FTCDNL1: variants seen among roughly 807,000 people sequenced by gnomAD.
FTCDNL1 encodes the protein formiminotransferase cyclodeaminase N-terminal like, also known as formiminotransferase N-terminal subdomain-containing protein.
A neutral mutation model predicts 5.9 loss-of-function variants in FTCDNL1; 11 were observed. The ratio of observed to expected loss-of-function variants is 1.87; its 90% CI spans 1.18 to 3.10. FTCDNL1 has a LOEUF of 3.10. FTCDNL1 is among the 30% of genes most tolerant of loss of function. FTCDNL1 has a pLI of 0.00. For missense variants in FTCDNL1, 115 were observed against 65.5 expected (o/e 1.76, Z -2.61); for synonymous variants, 58 against 24.8 (o/e 2.34, Z -3.99).
chr2:199,729,887 T>C, the FTCDNL1 span, among the ~76,000 whole-genome samples: 57 of 152,198 alleles, frequency 3.7e-4, no homozygotes, highest in Non-Finnish European at 1.6e-4. Flanking sequence ...AGAGCCCATA[T>C]AGCCAAGACA....
At chr2:199,840,996 C>T (rs1185537337) in intron 3 of FTCDNL1, among the ~76,000 whole-genome samples, 1 of 151,844 alleles carries the variant, frequency 6.6e-6, no homozygotes, top group Non-Finnish European at 1.5e-5. Context: ...ATAAAAAATA[C>T]AAAAATGAGC....
At chr2:199,783,221 T>C (rs75097817) in intron 3 of FTCDNL1, among the ~76,000 whole-genome samples, 2,881 of 152,292 alleles carry the variant, frequency 0.019, 78 homozygotes, top group African/African-American at 0.065. Context: ...CTTTTCTCAT[T>C]ATACAATAAA....
At chr2:199,780,937 A>C (rs1186075757) in intron 3 of FTCDNL1, among the ~76,000 whole-genome samples, 1 of 152,184 alleles carries the variant, frequency 6.6e-6, no homozygotes, top group East Asian at 1.9e-4. Flanking sequence ...CTAGGGAACC[A>C]AGGTGTCTAA....
At chr2:199,833,014 G>T (rs1702477178) in intron 3 of FTCDNL1, among the ~76,000 whole-genome samples, 1 of 150,770 alleles carries the variant, frequency 6.6e-6, no homozygotes, top group Non-Finnish European at 1.5e-5. Context: ...CTGTTTCCCA[G>T]GCTGGAGTCC....
the FTCDNL1 span, among the ~76,000 whole-genome samples, chr2:199,730,632 A>G: frequency 6.6e-6 from 1 of 152,254 alleles, no homozygotes; most frequent in Non-Finnish European, 1.5e-5. Flanking sequence ...GCAAATCAAA[A>G]CCACAATGAG....
chr2:199,671,302 G>T, the FTCDNL1 span, among the ~76,000 whole-genome samples: 1 of 152,030 alleles, frequency 6.6e-6, no homozygotes, highest in Non-Finnish European at 1.5e-5. Flanking sequence ...AAATGAGGTG[G>T]TGATCAACTC....
At chr2:199,846,882 C>A (rs1022288299) in intron 2 of FTCDNL1, among the ~76,000 whole-genome samples, 1 of 152,114 alleles carries the variant, frequency 6.6e-6, no homozygotes, top group African/African-American at 2.4e-5. Context: ...CTTAAGCCTA[C>A]AAAAGCAAAT....
chr2:199,825,498 G>A (rs376545608), intron 3 of FTCDNL1, among the ~76,000 whole-genome samples: 41 of 152,330 alleles, frequency 2.7e-4, no homozygotes, highest in African/African-American at 9.4e-4. Flanking sequence ...GTGATCCCCA[G>A]TGTTGGAGGT....
At chr2:199,825,163 G>GAA (rs982101486) in intron 3 of FTCDNL1, among the ~76,000 whole-genome samples, 1 of 150,280 alleles carries the variant, frequency 6.7e-6, no homozygotes, top group Non-Finnish European at 1.5e-5. Context: ...AAAAGAAAAA[G>GAA]AAAAAAAAGA....
chr2:199,799,663 C>G (rs1295828443), intron 3 of FTCDNL1, among the ~76,000 whole-genome samples: 5 of 152,014 alleles, frequency 3.3e-5, no homozygotes, highest in Non-Finnish European at 5.9e-5. Context: ...TAACAGATAC[C>G]CTTTTGGCAT....
chr2:199,684,407 T>G, the FTCDNL1 span, among the ~76,000 whole-genome samples: 1 of 152,226 alleles, frequency 6.6e-6, no homozygotes, highest in Non-Finnish European at 1.5e-5. Flanking sequence ...AATTCCACTT[T>G]CTTTTAAATA....
At chr2:199,800,303 C>T (rs1362906375) in intron 3 of FTCDNL1, among the ~76,000 whole-genome samples, 5 of 152,086 alleles carry the variant, frequency 3.3e-5, no homozygotes, top group Non-Finnish European at 7.3e-5. Flanking sequence ...TCTGAGCCTC[C>T]GTTTCTGTAC....
intron 4 of FTCDNL1, among the ~76,000 whole-genome samples, 169 bp from the exon 5 acceptor site, chr2:199,812,893 G>C (rs1335038279): frequency 6.6e-6 from 1 of 152,074 alleles, no homozygotes; most frequent in East Asian, 1.9e-4. Context: ...AATATAACAG[G>C]CCTGATGTCT....
At chr2:199,673,218 C>T in the FTCDNL1 span, among the ~76,000 whole-genome samples, 1 of 149,398 alleles carries the variant, frequency 6.7e-6, no homozygotes, top group African/African-American at 2.5e-5. Flanking sequence ...ATCCCAGCTA[C>T]TTGGGAGCCT....
intron 3 of FTCDNL1, among the ~76,000 whole-genome samples, chr2:199,774,536 G>A (rs927508125): frequency 1.3e-5 from 2 of 152,092 alleles, no homozygotes; most frequent in East Asian, 1.9e-4. Context: ...GTTTTTAATG[G>A]TGGGGGCTTT....
At chr2:199,850,399 T>C (rs1181728596) in intron 1 of FTCDNL1, among the ~76,000 whole-genome samples, 1 of 152,248 alleles carries the variant, frequency 6.6e-6, no homozygotes, top group African/African-American at 2.4e-5. Flanking sequence ...ATGGTGTTTA[T>C]GGCAACCCCT....
chr2:199,752,443 G>A, the FTCDNL1 span, among the ~76,000 whole-genome samples: 1 of 152,172 alleles, frequency 6.6e-6, no homozygotes, highest in East Asian at 1.9e-4. Context: ...TTTTGGATGG[G>A]ATTTACATTT....
At chr2:199,739,965 C>T in the FTCDNL1 span, among the ~76,000 whole-genome samples, 1 of 152,152 alleles carries the variant, frequency 6.6e-6, no homozygotes, top group Non-Finnish European at 1.5e-5. Flanking sequence ...GGAGCCGGGC[C>T]TGCCAGGCTC....
the FTCDNL1 span, among the ~76,000 whole-genome samples, chr2:199,679,461 T>C: frequency 6.6e-6 from 1 of 152,082 alleles, no homozygotes; most frequent in Admixed American, 6.5e-5. Context: ...TTTACAAAAT[T>C]TACTTCAATT....
Sources: gnomAD v4.1 joint callset for allele counts (sites outside exome capture counted in the v4.1 genomes callset) on GRCh38, gnomAD v4.1.1 for gene constraint, MANE v1.5 for transcripts, NCBI Gene and HGNC (gene_info 2026-07-23, HGNC 2026-07-21) for gene names.